Variants in LILRA4 observed in about 807,000 individuals in gnomAD.
LILRA4 encodes the protein leukocyte immunoglobulin-like receptor subfamily A member 4.
Under a neutral mutation model 49.5 loss-of-function variants are expected in LILRA4, and 51 were observed. That is an observed-to-expected ratio of 1.03 (90% confidence interval 0.82 to 1.30). LILRA4 has a LOEUF of 1.30. LILRA4 is among the 50% of genes most tolerant of loss of function. The probability of loss-of-function intolerance (pLI) is 0.00; values close to 1 mark genes in which losing one functional copy is unlikely to be tolerated. For missense variants in LILRA4, 624 were observed against 625.6 expected (o/e 1.00, Z 0.03); for synonymous variants, 272 against 265.6 (o/e 1.02, Z -0.23).
chr19:54,333,864 G>T (rs750305470), intron 7 of LILRA4, 51 bp downstream of exon 7: 1 of 1,610,596 alleles, frequency 6.2e-7, no homozygotes, highest in Non-Finnish European at 8.5e-7. Flanking sequence ...CCCTTGACAG[G>T]ACCTGACCCT....
In LILRA4 at chr19:54,337,429, G is replaced by A. The variant is rs1364597292; in HGVS notation, c.923C>T (p.Pro308Leu). 6 of 1,611,718 alleles carry A rather than the reference G, an allele frequency of 3.7e-6. No individual in the cohort carries two copies. Among genetic ancestry groups the A allele is most frequent in the Non-Finnish European group, 3.4e-6 (4 of 1,179,806 alleles). ...AHNVSSEWSA[P>L]SDPLDILIAG... ...GATCAGGATATCCAGGGGGTCACTG[G>A]GGGCCGACCACTCGGAGGAGACGTT... Residue 308 changes from proline to leucine, a missense_variant, in exon 5 of 8, where the codon CCC becomes CTC. Pro to Leu is a moderately conservative substitution (Grantham distance 98). Coordinates refer to ENST00000291759, the MANE Select transcript of LILRA4 (RefSeq NM_012276.5).
intron 5 of LILRA4, 60 bp from the exon 6 acceptor site, chr19:54,337,203 C>T: frequency 6.6e-7 from 1 of 1,512,964 alleles, no homozygotes; most frequent in Non-Finnish European, 9.0e-7. Flanking sequence ...GAGACCTCCC[C>T]ACCAGTCCTC....
At chr19:54,337,360 G>A (rs1418461525) in intron 5 of LILRA4, 40 bp downstream of exon 5, 1 of 1,604,544 alleles carries the variant, frequency 6.2e-7, no homozygotes, top group Non-Finnish European at 8.5e-7. Context: ...GGCCTGTGCA[G>A]AGCCTGGGTC....
chr19:54,333,595 C>A lies in LILRA4; in HGVS notation c.1477G>T (p.Val493Leu), dbSNP rs1401492639. ...CATCAGATCTGTTCCCAAGGCTCCA[C>A]CACTCTGAAGGGTGCATTGTCCTTT... ...SRKDNAPFRV[V>L]EPWEQI Residue 493 changes from valine (V) to leucine (L), a missense_variant, in exon 8 of 8, where the codon GTG becomes TTG. Val to Leu is a conservative substitution (Grantham distance 32). Coordinates refer to ENST00000291759, the MANE Select transcript of LILRA4 (RefSeq NM_012276.5). 6.2e-7 allele frequency: 1 copy of A among 1,614,022 alleles called. No individual in the cohort carries two copies. Among genetic ancestry groups the A allele is most frequent in the Non-Finnish European group, 8.5e-7 (1 of 1,180,034 alleles).
intron 1 of LILRA4, 63 bp downstream of exon 1, chr19:54,338,997 A>G (rs2081362960): frequency 6.2e-7 from 1 of 1,612,416 alleles, no homozygotes; most frequent in African/African-American, 1.3e-5. Flanking sequence ...TGACTAAGGC[A>G]TGGCTATGGA....
Position 54,337,648 on chromosome 19 carries a change from G to C in LILRA4, c.704C>G (p.Thr235Ser), listed in dbSNP as rs752839839. The part of the protein sequence containing the change: ...SLLTLQGPVV[T>S]PGENLTLQCG... ...CTGGAGGGTCAGATTCTCTCCGGGG[G>C]TCACGACAGGGCCCTGCAGGGTCAG... The change falls in exon 5 of 8, where the codon ACC becomes AGC. Residue 235 changes from threonine to serine, a missense_variant. Coordinates refer to ENST00000291759, the MANE Select transcript of LILRA4 (RefSeq NM_012276.5). 3 of 1,613,572 alleles carry C rather than the reference G, an allele frequency of 1.9e-6. No individual in the cohort carries two copies. Among genetic ancestry groups the C allele is most frequent in the East Asian group, 2.2e-5 (1 of 44,878 alleles).
At chr19:54,335,280 G>T (rs1328797519) in intron 6 of LILRA4, 2 of 152,116 alleles carry the variant, frequency 1.3e-5, no homozygotes, top group African/African-American at 2.4e-5. Context: ...ATAGTGAGTT[G>T]TCACGAGATC....
rs758149316 is a variant in LILRA4 at position 54,333,599 on chromosome 19, T to G, written c.1473A>C (p.Arg491Ser). The G allele has an allele frequency of 3.1e-6, 5 of 1,614,114 alleles. No individual in the cohort carries two copies. The South Asian group carries it at 3.3e-5, about 11-fold the overall frequency. Residue 491 changes from arginine (R) to serine (S), a missense_variant, in exon 8 of 8, where the codon AGA becomes AGC. By Grantham distance (110) the Arg-to-Ser change is moderately radical. Coordinates refer to ENST00000291759, the MANE Select transcript of LILRA4 (RefSeq NM_012276.5). The part of the protein sequence containing the change: ...ANSRKDNAPF[R>S]VVEPWEQI ...AGATCTGTTCCCAAGGCTCCACCAC[T>G]CTGAAGGGTGCATTGTCCTTTCTGC... is the stretch of plus-strand genomic sequence containing the variant.
rs767985779 is a variant in LILRA4, at chr19:54,333,583, C to G, written c.1489G>C (p.Glu497Gln). The G allele has an allele frequency of 1.2e-6, 2 of 1,613,990 alleles. No individual in the cohort carries two copies. The highest frequency in any genetic ancestry group is 2.7e-5 in the African/African-American group (2 of 74,918). ...ACCTCCTCAGATCATCAGATCTGTT[C>G]CCAAGGCTCCACCACTCTGAAGGGT... ...NAPFRVVEPWEQI is the reference protein window; with the variant it reads ...NAPFRVVEPWQQI Residue 497 changes from glutamate (E) to glutamine (Q), a missense_variant, in exon 8 of 8, where the codon GAA (glutamate) becomes CAA (glutamine). Coordinates refer to ENST00000291759, the MANE Select transcript of LILRA4 (RefSeq NM_012276.5).
At position 54,338,601 on chromosome 19, in the gene LILRA4, C is replaced by G; in HGVS notation, c.150G>C (p.Gln50His). Reference protein sequence around the residue: ...TWHNPVTIWCQGTLEAQGYRL... With the variant: ...TWHNPVTIWCHGTLEAQGYRL... ...GGTACCCCTGGGCCTCCAGGGTGCC[C>G]TGACACCAGATGGTCACGGGGTTAT... Residue 50 changes from glutamine to histidine, a missense_variant, in exon 3 of 8, where the codon CAG (glutamine) becomes CAC (histidine). By Grantham distance (24) the Gln-to-His change is conservative. Coordinates refer to ENST00000291759, the MANE Select transcript of LILRA4 (RefSeq NM_012276.5). The G allele has an allele frequency of 1.2e-6, 2 of 1,614,090 alleles. No individual in the cohort carries two copies. Among genetic ancestry groups the G allele is most frequent in the Non-Finnish European group, 1.7e-6 (2 of 1,179,986 alleles).
At chr19:54,336,703 G>A (rs1360519278) in intron 6 of LILRA4, 138 bp downstream of exon 6, 4 of 1,322,892 alleles carry the variant, frequency 3.0e-6, no homozygotes, top group African/African-American at 1.5e-5. Flanking sequence ...GAGGCTCAGG[G>A]CTCACAAAGG....
In LILRA4 at chr19:54,338,155, G is replaced by A. The variant is rs144792088; in HGVS notation, c.436C>T (p.Arg146Trp). 3.8e-5 allele frequency: 62 copies of A among 1,613,980 alleles called. 1 individual carries two copies. The African/African-American group carries it at 6.8e-4, about 18-fold the overall frequency. Residue 146 changes from arginine to tryptophan, a missense_variant, in exon 4 of 8, where the codon CGG becomes TGG. Coordinates refer to ENST00000291759, the MANE Select transcript of LILRA4 (RefSeq NM_012276.5). The stretch of plus-strand genomic sequence containing the variant: ...AGAGTGAACCTGCCCAGTCCCAGCC[G>A]TGAGGCACACCGGAGGGTCACGTTC... ...GVNVTLRCASRLGLGRFTLIE... is the reference protein window; with the variant it reads ...GVNVTLRCASWLGLGRFTLIE...
In LILRA4 at chr19:54,338,252, A is replaced by G; in HGVS notation, c.356-17T>C. On this transcript the variant is annotated splice_polypyrimidine_tract_variant and intron_variant, in intron 3 of 7. Transcript: ENST00000291759. Reference sequence around the variant, plus strand: ...TGCTGTAGGCTTTCAAGAGAAAAAAAGGCAGCCGTGTTTAAATGGGGCTCA... The same window carrying G: ...TGCTGTAGGCTTTCAAGAGAAAAAAGGGCAGCCGTGTTTAAATGGGGCTCA... 6.3e-7 allele frequency: 1 copy of G among 1,599,050 alleles called. No homozygotes were observed. Among genetic ancestry groups the G allele is most frequent in the Non-Finnish European group, 8.5e-7 (1 of 1,171,584 alleles).
At chr19:54,338,743 C>A in intron 2 of LILRA4, 63 bp from the exon 3 acceptor site, 6 of 1,586,116 alleles carry the variant, frequency 3.8e-6, no homozygotes, top group East Asian at 2.2e-5. Flanking sequence ...AGCTCTCAGC[C>A]CCAGGACCCC....
chr19:54,336,783 C>T (rs540166856), intron 6 of LILRA4, 58 bp downstream of exon 6: 1 of 1,574,816 alleles, frequency 6.3e-7, no homozygotes, highest in East Asian at 2.2e-5. Context: ...TGGAAGCTCT[C>T]CTTTTTCATT....
In LILRA4 at chr19:54,337,452, G is replaced by C; in HGVS notation, c.900C>G (p.Asn300Lys). 1.2e-6 allele frequency: 2 copies of C among 1,612,064 alleles called. No individual in the cohort carries two copies. The highest frequency in any genetic ancestry group is 1.7e-6 in the Non-Finnish European group (2 of 1,179,874). Residue 300 changes from asparagine (N) to lysine (K), a missense_variant, in exon 5 of 8, where the codon AAC becomes AAG. By Grantham distance (94) the Asn-to-Lys change is moderately conservative. Transcript: ENST00000291759. ...GGQYRCYGAH[N>K]VSSEWSAPSD... ...TGGGGGCCGACCACTCGGAGGAGAC[G>C]TTGTGTGCGCCGTAGCATCTGTACT...
chr19:54,337,866 C>G (rs1422012494), intron 4 of LILRA4, 70 bp downstream of exon 4: 25 of 1,521,178 alleles, frequency 1.6e-5, no homozygotes, highest in African/African-American at 4.2e-5. Context: ...TGGGCTAGCC[C>G]GAGGGTAAGG....
chr19:54,335,455 A>G (rs79215497), intron 6 of LILRA4: 1 of 152,536 alleles, frequency 6.6e-6, no homozygotes, highest in African/African-American at 2.4e-5. Context: ...AGTTAATTAA[A>G]CCTCTTTCCT....
In LILRA4 at chr19:54,338,121, T is replaced by G. The variant is rs1455273613; in HGVS notation, c.470A>C (p.Glu157Ala). Residue 157 changes from glutamate to alanine, a missense_variant, in exon 4 of 8, where the codon GAA (glutamate) becomes GCA (alanine). Physicochemically the swap from Glu to Ala is moderately radical, Grantham distance 107. Transcript: ENST00000291759. ...LGLGRFTLIEEGDHRLSWTLN... is the reference protein window; with the variant it reads ...LGLGRFTLIEAGDHRLSWTLN... ...GGTCCAGGAGAGCCTGTGGTCTCCT[T>G]CCTCAATCAGAGTGAACCTGCCCAG... is the stretch of plus-strand genomic sequence containing the variant. 3 of 1,614,016 alleles carry G rather than the reference T, an allele frequency of 1.9e-6. No homozygotes were observed. Among genetic ancestry groups the G allele is most frequent in the Non-Finnish European group, 2.5e-6 (3 of 1,179,948 alleles).
Sources: allele counts gnomAD v4.1 joint callset, GRCh38; gene constraint gnomAD v4.1.1; transcripts MANE v1.5; gene names NCBI Gene and HGNC (gene_info 2026-07-23, HGNC 2026-07-21).